UNC80: variants seen among roughly 807,000 people sequenced by gnomAD.
UNC80 encodes the protein protein unc-80 homolog.
A neutral mutation model predicts 384.6 loss-of-function variants in UNC80; 164 were observed. The ratio of observed to expected loss-of-function variants is 0.43; its 90% CI spans 0.38 to 0.49. The LOEUF (loss-of-function observed/expected upper bound fraction) is 0.49. UNC80 is among the 20% of genes least tolerant of loss of function. The pLI, the probability that UNC80 is intolerant of heterozygous loss-of-function variation, is 0.00. For synonymous variants in UNC80, 1,486 were observed against 1,527.8 expected, an observed-to-expected ratio of 0.97 and a Z score of 0.64; for missense variants, 3,330 against 4,143.0, an observed-to-expected ratio of 0.80 and a Z score of 5.39.
intron 7 of UNC80, among the ~76,000 whole-genome samples, chr2:209,806,625 C>A (rs1294572242): frequency 6.6e-6 from 1 of 152,166 alleles, no homozygotes; most frequent in Non-Finnish European, 1.5e-5. Context: ...AGAGCTCATG[C>A]ATTAATCAGA....
chr2:209,941,149 G>A, intron 43 of UNC80, 72 bp from the exon 44 acceptor site: 1 of 1,425,610 alleles, frequency 7.0e-7, no homozygotes, highest in Non-Finnish European at 9.3e-7. Context: ...AGCGCCTTGG[G>A]TTTGATCACC....
intron 25 of UNC80, among the ~76,000 whole-genome samples, chr2:209,883,426 C>CTTTTTTTT (rs35807077): frequency 2.0e-5 from 2 of 100,548 alleles, no homozygotes; most frequent in African/African-American, 3.6e-5. Flanking sequence ...CCATTCCACT[C>CTTTTTTTT]TTTTTTTTTT....
rs2084372839 is a variant in UNC80, at chr2:209,872,360, T to A, written c.3628-398T>A. Reference sequence around the variant, plus strand: ...AAGACTGGTTCTAGAAATGGAATATTTGTTTGCTTCATGTAAAATTTAGGG... The same window carrying A: ...AAGACTGGTTCTAGAAATGGAATATATGTTTGCTTCATGTAAAATTTAGGG... On this transcript the variant is annotated intron_variant, in intron 22 of 64. Coordinates refer to ENST00000673920, the MANE Select transcript of UNC80 (RefSeq NM_001371986.1). This position sits in a 1 kb window ranked among gnomAD's most constrained non-coding sequence, Gnocchi z 4.1. 6.6e-6 allele frequency among the ~76,000 whole-genome samples: 1 copy of A among 152,206 alleles called. No individual in the cohort carries two copies. Among genetic ancestry groups the A allele is most frequent in the African/African-American group, 2.4e-5 (1 of 41,444 alleles).
chr2:209,970,755 A>C, intron 53 of UNC80, 77 bp from the exon 54 acceptor site: 1 of 1,460,672 alleles, frequency 6.8e-7, no homozygotes, highest in South Asian at 1.4e-5. Flanking sequence ...TATTATCATC[A>C]TCATTGAGAC....
chr2:209,894,408 G>A (rs1335658693), intron 27 of UNC80, 42 bp downstream of exon 27: 1 of 969,618 alleles, frequency 1.0e-6, no homozygotes, highest in African/African-American at 1.8e-5. Flanking sequence ...TGGGGGGTAG[G>A]AAGACAGGGC....
intron 47 of UNC80, chr2:209,951,665 G>C (rs979888405): frequency 3.3e-5 from 5 of 152,114 alleles, no homozygotes; most frequent in African/African-American, 1.2e-4. Flanking sequence ...CAGTTTGACT[G>C]TGGTGTGCCT....
At chr2:209,928,242 A>G (rs1290070691) in intron 36 of UNC80, among the ~76,000 whole-genome samples, 2 of 152,198 alleles carry the variant, frequency 1.3e-5, no homozygotes, top group Non-Finnish European at 2.9e-5. Context: ...AGGCTGAGGC[A>G]GGAGAATTGC....
At chr2:209,944,952 C>G (rs958229602) in intron 45 of UNC80, 99 bp from the exon 46 acceptor site, 1 of 1,340,012 alleles carries the variant, frequency 7.5e-7, no homozygotes, top group Non-Finnish European at 1.0e-6. Context: ...AGATGTTGTA[C>G]TTGTTACTGG....
chr2:209,877,339 G>C (rs969849082), intron 23 of UNC80, among the ~76,000 whole-genome samples: 1 of 152,102 alleles, frequency 6.6e-6, no homozygotes, highest in Non-Finnish European at 1.5e-5. Context: ...CACGTGCTGA[G>C]TTATTAAAAC....
intron 21 of UNC80, among the ~76,000 whole-genome samples, chr2:209,843,211 C>A (rs867568076): frequency 2.0e-5 from 3 of 152,110 alleles, no homozygotes; most frequent in Non-Finnish European, 2.9e-5. Context: ...GGATGGAATG[C>A]AATATGCCAT....
intron 16 of UNC80, 29 bp downstream of exon 16, chr2:209,831,620 A>C (rs529090935): frequency 6.6e-7 from 1 of 1,504,246 alleles, no homozygotes; most frequent in Non-Finnish European, 8.9e-7. Flanking sequence ...TTCCCACAGG[A>C]GCTCTCAGTC....
intron 40 of UNC80, among the ~76,000 whole-genome samples, 171 bp downstream of exon 40, chr2:209,935,979 A>G (rs940344443): frequency 2.0e-5 from 3 of 152,116 alleles, no homozygotes; most frequent in African/African-American, 7.2e-5. Flanking sequence ...TTCCTTCCAT[A>G]ATTTTCCCCA....
intron 42 of UNC80, among the ~76,000 whole-genome samples, chr2:209,938,706 C>G (rs1451894670): frequency 7.5e-4 from 106 of 140,890 alleles, no homozygotes; most frequent in African/African-American, 3.0e-3. Context: ...CTCTCTCTCT[C>G]TCTCTGTGTG....
intron 35 of UNC80, among the ~76,000 whole-genome samples, chr2:209,922,920 T>G (rs1466756234): frequency 6.6e-6 from 1 of 152,234 alleles, no homozygotes; most frequent in Non-Finnish European, 1.5e-5. Flanking sequence ...TTTCATATGC[T>G]TATTGACCAT....
intron 22 of UNC80, among the ~76,000 whole-genome samples, chr2:209,867,737 A>G (rs2083956480): frequency 6.6e-6 from 1 of 152,116 alleles, no homozygotes; most frequent in Admixed American, 6.5e-5. Context: ...CCTTCAGGAC[A>G]AATATTTCTA....
chr2:209,971,205 A>C (rs1256068641), intron 54 of UNC80, among the ~76,000 whole-genome samples: 1 of 152,218 alleles, frequency 6.6e-6, no homozygotes, highest in African/African-American at 2.4e-5. Flanking sequence ...GAACCACTTC[A>C]GTCATTGAAA....
intron 5 of UNC80, among the ~76,000 whole-genome samples, chr2:209,786,980 CATATATATAT>C (rs60467878): frequency 0.21 from 28,255 of 135,448 alleles, 3,145 homozygotes; most frequent in Non-Finnish European, 0.27. Flanking sequence ...TCTACAGAAG[CATATATATAT>C]ATATATATAT....
At position 209,777,426 on chromosome 2, in the gene UNC80, G is replaced by T. The variant is rs1472671694; in HGVS notation, c.467G>T (p.Gly156Val). Reference protein sequence around the residue: ...SAFIHQVENQGSPGQPCQSSS... With the variant: ...SAFIHQVENQVSPGQPCQSSS... ...TTCATCCACCAGGTTGAAAACCAGG[G>T]TTCTCCAGGGCAGCCTTGCCAAAGC... The change falls in exon 4 of 65, where the codon GGT (glycine) becomes GTT (valine). Residue 156 changes from glycine (G) to valine (V), a missense_variant. Transcript: ENST00000673920. 2.5e-6 allele frequency: 4 copies of T among 1,614,192 alleles called. No individual in the cohort carries two copies. The highest frequency in any genetic ancestry group is 4.5e-5 in the East Asian group (2 of 44,874).
chr2:209,815,473 C>A, intron 9 of UNC80, 82 bp downstream of exon 9: 2 of 1,429,682 alleles, frequency 1.4e-6, no homozygotes, highest in South Asian at 2.7e-5. Context: ...GATGATACTG[C>A]AGTATGGGGT....
Sources: allele counts gnomAD v4.1 joint callset (sites outside exome capture counted in the v4.1 genomes callset), GRCh38; gene constraint gnomAD v4.1.1; non-coding constraint Gnocchi (gnomAD v3.1); transcripts MANE v1.5; gene names NCBI Gene and HGNC (gene_info 2026-07-23, HGNC 2026-07-21).